PXDNL: variants seen among roughly 807,000 people sequenced by gnomAD.
PXDNL encodes probable oxidoreductase PXDNL.
In PXDNL, 145 loss-of-function variants were observed where a neutral mutation model predicts 150.8. The observed-to-expected ratio is 0.96, with a 90% confidence interval of 0.84 to 1.10. The LOEUF (loss-of-function observed/expected upper bound fraction) is 1.10, where lower values mean the gene tolerates loss of function less well. Among genes scored for constraint, PXDNL ranks in the 50% least tolerant of loss-of-function variants. PXDNL has a pLI of 0.00. For synonymous variants in PXDNL, 757 were observed against 725.7 expected, an observed-to-expected ratio of 1.04 and a Z score of -0.69; for missense variants, 2,087 against 1,873.9, an observed-to-expected ratio of 1.11 and a Z score of -2.10.
chr8:51,459,652 T>A (rs1446992243), intron 8 of PXDNL, among the ~76,000 whole-genome samples: 1 of 152,228 alleles, frequency 6.6e-6, no homozygotes, highest in Non-Finnish European at 1.5e-5. Flanking sequence ...TGAATCATGA[T>A]GTTCCTTCCC....
chr8:51,364,754 T>C (rs1175233450), intron 19 of PXDNL, among the ~76,000 whole-genome samples: 1 of 152,142 alleles, frequency 6.6e-6, no homozygotes, highest in Non-Finnish European at 1.5e-5. Flanking sequence ...AAAGAGAACA[T>C]TGCTGCCATC....
intron 5 of PXDNL, among the ~76,000 whole-genome samples, chr8:51,484,974 T>C (rs1389694535): frequency 2.0e-5 from 3 of 152,204 alleles, no homozygotes; most frequent in African/African-American, 7.2e-5. Flanking sequence ...TTCTTAAGAC[T>C]CAAGGATATG....
chr8:51,702,399 T>G (rs1254401539), intron 1 of PXDNL, among the ~76,000 whole-genome samples: 1 of 152,162 alleles, frequency 6.6e-6, no homozygotes, highest in Non-Finnish European at 1.5e-5. Context: ...GGTAAAGGTT[T>G]CAGTAATAAA....
At chr8:51,584,841 C>T (rs1422745620) in intron 3 of PXDNL, among the ~76,000 whole-genome samples, 1 of 151,832 alleles carries the variant, frequency 6.6e-6, no homozygotes, top group Non-Finnish European at 1.5e-5. Context: ...CTAATCAAGT[C>T]TTTTTTTTAG....
intron 4 of PXDNL, among the ~76,000 whole-genome samples, chr8:51,553,771 T>TATATATATATATATATACACACAC (rs1236843720): frequency 1.6e-5 from 1 of 63,858 alleles, no homozygotes; most frequent in African/African-American, 9.3e-5. Context: ...TATATATATA[T>TATATATATATATATATACACACAC]ACACACACTG....
At chr8:51,634,784 T>A (rs1389892769) in intron 2 of PXDNL, among the ~76,000 whole-genome samples, 1 of 152,084 alleles carries the variant, frequency 6.6e-6, no homozygotes, top group South Asian at 2.1e-4. Flanking sequence ...GGTTTGAACA[T>A]TATTAGTGTA....
rs1816079459 is a variant in PXDNL at position 51,694,739 on chromosome 8, G to A, written c.165-39979C>T. Among the ~76,000 whole-genome samples, 5 of 152,154 alleles carry A rather than the reference G, an allele frequency of 3.3e-5. No homozygotes were observed. In the South Asian group the frequency reaches 1.0e-3, roughly 32 times the overall value. ...AGCTTTTCCATTTGTAACATAACAA[G>A]GCAAGATTAGACTTAACTTTATTTA... On this transcript the variant is annotated intron_variant, in intron 1 of 22. Transcript: ENST00000356297.
chr8:51,364,474 A>T (rs1806853580), intron 19 of PXDNL, among the ~76,000 whole-genome samples: 1 of 152,218 alleles, frequency 6.6e-6, no homozygotes, highest in East Asian at 1.9e-4. Flanking sequence ...CTCTGCTATC[A>T]TAAGACTCTT....
intron 21 of PXDNL, among the ~76,000 whole-genome samples, chr8:51,335,610 A>G (rs943314349): frequency 6.6e-6 from 1 of 151,800 alleles, no homozygotes; most frequent in African/African-American, 2.4e-5. Context: ...ATCTGTGAAG[A>G]CCTCATTAAC....
intron 13 of PXDNL, 51 bp from the exon 14 acceptor site, chr8:51,423,782 T>C (rs561518786): frequency 1.3e-6 from 2 of 1,532,676 alleles, no homozygotes; most frequent in Non-Finnish European, 1.8e-6. Context: ...CCTTAAAAAA[T>C]CATTTATTTA....
At chr8:51,530,609 C>A (rs1275467623) in intron 4 of PXDNL, among the ~76,000 whole-genome samples, 11 of 152,302 alleles carry the variant, frequency 7.2e-5, no homozygotes, top group Non-Finnish European at 2.9e-5. Context: ...CCCAGTACAG[C>A]ACATCTGCCC....
intron 5 of PXDNL, among the ~76,000 whole-genome samples, chr8:51,498,618 T>C (rs1302134771): frequency 6.6e-6 from 1 of 151,926 alleles, no homozygotes; most frequent in Non-Finnish European, 1.5e-5. Context: ...GTAGACATCG[T>C]GATGTAGAGT....
intron 19 of PXDNL, 142 bp downstream of exon 19, chr8:51,371,731 G>T: frequency 1.3e-6 from 1 of 749,718 alleles, no homozygotes; most frequent in Non-Finnish European, 2.2e-6. Flanking sequence ...TTCATCATCT[G>T]TCAGATTTCC....
chr8:51,616,111 G>T (rs1054288439), intron 2 of PXDNL, among the ~76,000 whole-genome samples: 1 of 152,228 alleles, frequency 6.6e-6, no homozygotes. Flanking sequence ...AGATGGACTA[G>T]CCTGGGGCAA....
At chr8:51,732,173 AATG>A (rs1563303197) in intron 1 of PXDNL, among the ~76,000 whole-genome samples, 1 of 152,194 alleles carries the variant, frequency 6.6e-6, no homozygotes, top group Non-Finnish European at 1.5e-5. Context: ...CATAAAACCA[AATG>A]CTTTTAACAG....
chr8:51,628,419 T>TTC, intron 2 of PXDNL, among the ~76,000 whole-genome samples: 1 of 137,884 alleles, frequency 7.3e-6, no homozygotes, highest in Non-Finnish European at 1.6e-5. Context: ...TTTTTTTTTT[T>TTC]TTTGGAGACA....
At chr8:51,584,418 G>T (rs1323164821) in intron 3 of PXDNL, among the ~76,000 whole-genome samples, 2 of 152,078 alleles carry the variant, frequency 1.3e-5, no homozygotes, top group African/African-American at 2.4e-5. Context: ...TCTTAGAAGG[G>T]CCTGGTATTT....
chr8:51,391,698 C>T (rs1807915574), intron 17 of PXDNL, among the ~76,000 whole-genome samples: 2 of 152,082 alleles, frequency 1.3e-5, no homozygotes, highest in African/African-American at 2.4e-5. Flanking sequence ...TGCCTGTTCA[C>T]TCTGATGGTA....
chr8:51,612,883 T>C (rs1480324233), intron 2 of PXDNL, among the ~76,000 whole-genome samples: 1 of 152,184 alleles, frequency 6.6e-6, no homozygotes, highest in Non-Finnish European at 1.5e-5. Flanking sequence ...GGATATTGCA[T>C]TTTTCCTTGT....
Sources: allele counts gnomAD v4.1 joint callset (sites outside exome capture counted in the v4.1 genomes callset), GRCh38; gene constraint gnomAD v4.1.1; transcripts MANE v1.5; gene names NCBI Gene and HGNC (gene_info 2026-07-23, HGNC 2026-07-21).